The following KCNH8 variants were observed in gnomAD, a reference collection of about 807,000 sequenced individuals.
The protein encoded by KCNH8 is potassium voltage-gated channel subfamily H member 8.
Under a neutral mutation model 103.6 loss-of-function variants are expected in KCNH8, and 70 were observed. The ratio of observed to expected loss-of-function variants is 0.68; its 90% CI spans 0.56 to 0.82. The LOEUF is 0.82. Among genes scored for constraint, KCNH8 ranks in the 40% least tolerant of loss-of-function variants. The pLI, the probability that KCNH8 is intolerant of heterozygous loss-of-function variation, is 0.00. For synonymous variants in KCNH8, 498 were observed against 489.4 expected, an observed-to-expected ratio of 1.02 and a Z score of -0.23; for missense variants, 1,217 against 1,329.9, an observed-to-expected ratio of 0.92 and a Z score of 1.32.
intron 11 of KCNH8, among the ~76,000 whole-genome samples, chr3:19,482,546 G>A (rs1219740546): frequency 1.3e-5 from 2 of 152,182 alleles, no homozygotes; most frequent in Non-Finnish European, 2.9e-5. Context: ...ATCATTTGAA[G>A]AAGTACAGGT....
Position 19,218,857 on chromosome 3 carries a change from T to C in KCNH8, c.77-34797T>C, listed in dbSNP as rs542478031. The stretch of plus-strand genomic sequence containing the variant: ...GGCATTGTCTTTGTGAGTATGTCTA[T>C]CTCTGTGTCCAAATTTCCTCTTTTT... On this transcript the variant is annotated intron_variant, in intron 1 of 15. Coordinates refer to ENST00000328405, the MANE Select transcript of KCNH8 (RefSeq NM_144633.3). Among the ~76,000 whole-genome samples, 11 of 152,294 alleles carry C rather than the reference T, an allele frequency of 7.2e-5. No individual in the cohort carries two copies. The East Asian group carries it at 2.1e-3, about 29-fold the overall frequency.
chr3:19,464,571 G>C (rs1000886397), intron 11 of KCNH8, among the ~76,000 whole-genome samples: 1 of 152,026 alleles, frequency 6.6e-6, no homozygotes, highest in Non-Finnish European at 1.5e-5. Flanking sequence ...AAAGACAGCA[G>C]TAACAGAATA....
At chr3:19,288,181 C>CTTTTTTTT (rs767659898) in intron 3 of KCNH8, among the ~76,000 whole-genome samples, 48 of 38,150 alleles carry the variant, frequency 1.3e-3, no homozygotes, top group East Asian at 2.3e-3. Context: ...TATCAAACTT[C>CTTTTTTTT]TTTTTTTTTT....
chr3:19,349,041 T>C (rs1224411598), intron 5 of KCNH8, among the ~76,000 whole-genome samples: 1 of 151,982 alleles, frequency 6.6e-6, no homozygotes, highest in Non-Finnish European at 1.5e-5. Context: ...TTATTAACAT[T>C]GTGTCTACTG....
At chr3:19,337,553 C>T (rs2065600574) in intron 3 of KCNH8, among the ~76,000 whole-genome samples, 1 of 151,892 alleles carries the variant, frequency 6.6e-6, no homozygotes, top group African/African-American at 2.4e-5. Context: ...CCTTTTTCAT[C>T]ACTGAAAGAA....
At chr3:19,185,089 A>AT (rs145567663) in intron 1 of KCNH8, among the ~76,000 whole-genome samples, 6,289 of 151,936 alleles carry the variant, frequency 0.041, 466 homozygotes, top group African/African-American at 0.14. Flanking sequence ...TGCTATGAAC[A>AT]TTTTTTGTAT....
intron 11 of KCNH8, among the ~76,000 whole-genome samples, chr3:19,483,331 G>A (rs987520295): frequency 1.7e-4 from 26 of 152,180 alleles, no homozygotes; most frequent in Non-Finnish European, 3.5e-4. Context: ...ACTCCACCCA[G>A]TGACTGTTTT....
intron 7 of KCNH8, among the ~76,000 whole-genome samples, chr3:19,431,508 C>A (rs113672948): frequency 3.4e-4 from 52 of 152,222 alleles, no homozygotes; most frequent in African/African-American, 1.3e-3. Context: ...AGGAAGTAGT[C>A]CCTTCTTCCC....
chr3:19,456,959 C>T lies in KCNH8; in HGVS notation c.2017C>T (p.Leu673Phe). The change falls in exon 11 of 16, where the codon CTC (leucine) becomes TTC (phenylalanine). Residue 673 changes from leucine to phenylalanine, a missense_variant. Around this residue, in one of 3 missense-constraint regions of KCNH8, gnomAD observed 415 missense variants for 577.4 expected, o/e 0.72. Coordinates refer to ENST00000328405, the MANE Select transcript of KCNH8 (RefSeq NM_144633.3). ...CATTCAGCATGACCTCACATACAACCTCCGAGAAGGTCATGAGAGTGATGT... is the reference window on the plus strand; with the variant it reads ...CATTCAGCATGACCTCACATACAACTTCCGAGAAGGTCATGAGAGTGATGT... ...EDIQHDLTYN[L>F]REGHESDVIS... The T allele has an allele frequency of 2.5e-6, 4 of 1,611,466 alleles. No individual in the cohort carries two copies. Among genetic ancestry groups the T allele is most frequent in the African/African-American group, 1.3e-5 (1 of 74,902 alleles).
intron 6 of KCNH8, chr3:19,391,660 A>G (rs2066439713): frequency 6.6e-6 from 1 of 152,014 alleles, no homozygotes; most frequent in Non-Finnish European, 1.5e-5. Flanking sequence ...TGCCTGTACA[A>G]TAGTTTCTTT....
chr3:19,370,722 T>G (rs2066078411), intron 5 of KCNH8, among the ~76,000 whole-genome samples: 1 of 152,018 alleles, frequency 6.6e-6, no homozygotes, highest in Non-Finnish European at 1.5e-5. Flanking sequence ...ACTCATCATC[T>G]AGCATTAGGT....
At chr3:19,468,902 T>C (rs757881917) in intron 11 of KCNH8, among the ~76,000 whole-genome samples, 2 of 152,204 alleles carry the variant, frequency 1.3e-5, no homozygotes, top group African/African-American at 4.8e-5. Context: ...TACGATTTAA[T>C]TCAATTCAAG....
chr3:19,336,531 CATTAACATTATTAATGT>C (rs2065587813), intron 3 of KCNH8, among the ~76,000 whole-genome samples: 1 of 151,888 alleles, frequency 6.6e-6, no homozygotes, highest in South Asian at 2.1e-4. Flanking sequence ...TAATTATTAA[CATTAACATTATTAATGT>C]ATTAACATTA....
At chr3:19,287,421 C>T (rs1306543888) in intron 3 of KCNH8, among the ~76,000 whole-genome samples, 1 of 152,134 alleles carries the variant, frequency 6.6e-6, no homozygotes, top group Non-Finnish European at 1.5e-5. Flanking sequence ...TAATGAGAAT[C>T]TTACTAACTT....
At chr3:19,374,450 TC>T (rs768376990) in intron 5 of KCNH8, among the ~76,000 whole-genome samples, 1 of 152,120 alleles carries the variant, frequency 6.6e-6, no homozygotes, top group Non-Finnish European at 1.5e-5. Flanking sequence ...TTTTTTGTTT[TC>T]CATTTGCTTG....
At chr3:19,196,834 A>G (rs1247668037) in intron 1 of KCNH8, among the ~76,000 whole-genome samples, 1 of 152,086 alleles carries the variant, frequency 6.6e-6, no homozygotes, top group African/African-American at 2.4e-5. Flanking sequence ...GAGGGATTTT[A>G]TCTTTTAAAA....
rs2125256160 is a variant in KCNH8 at position 19,533,652 on chromosome 3, GA to G, written c.2878del (p.Ser960ValfsTer50). ...GCAGTAATATCACCTCAGACATTTGGAGTGTGGATCCCTCCTCTGTGGGGAG... is the reference window on the plus strand; with the variant it reads ...GCAGTAATATCACCTCAGACATTTGGGTGTGGATCCCTCCTCTGTGGGGAG... ...CSSNITSDIWSVDPSSVGSSP... is the reference protein window; with the variant it reads ...CSSNITSDIWXVDPSSVGSSP... On this transcript the variant is annotated frameshift_variant, in exon 16 of 16. Transcript: ENST00000328405. LOFTEE classifies it high-confidence loss of function. The G allele has an allele frequency of 6.2e-7, 1 of 1,614,178 alleles. No homozygotes were observed. The highest frequency in any genetic ancestry group is 1.3e-5 in the African/African-American group (1 of 75,038).
At chr3:19,423,295 G>T (rs77393850) in intron 7 of KCNH8, among the ~76,000 whole-genome samples, 11,584 of 151,614 alleles carry the variant, frequency 0.076, 923 homozygotes, top group East Asian at 0.2. Flanking sequence ...TATTTTTATT[G>T]TATTTCAATA....
At chr3:19,376,013 A>C (rs1359257834) in intron 5 of KCNH8, among the ~76,000 whole-genome samples, 1 of 152,128 alleles carries the variant, frequency 6.6e-6, no homozygotes, top group Non-Finnish European at 1.5e-5. Context: ...GCTGTCAGAC[A>C]GGGACATTTA....
Sources: allele counts gnomAD v4.1 joint callset (sites outside exome capture counted in the v4.1 genomes callset), GRCh38; gene constraint gnomAD v4.1.1; regional missense constraint gnomAD v4.1.1; transcripts MANE v1.5; gene names NCBI Gene and HGNC (gene_info 2026-07-23, HGNC 2026-07-21).